SDK1: variants seen among roughly 807,000 people sequenced by gnomAD.
SDK1 encodes the protein sidekick cell adhesion molecule 1.
In SDK1, 157 loss-of-function variants were observed where a neutral mutation model predicts 245.5. The observed-to-expected ratio is 0.64, with a 90% CI of 0.56 to 0.73. SDK1 has a LOEUF of 0.73. Ranked by LOEUF, SDK1 falls within the 30% of genes least tolerant of loss-of-function variation. SDK1 has a pLI of 0.00. For missense variants in SDK1, 3,583 were observed against 3,002.3 expected (o/e 1.19, Z -4.52); for synonymous variants, 1,647 against 1,278.5 (o/e 1.29, Z -6.15).
chr7:3,307,242 TA>T (rs976831661), intron 1 of SDK1, among the ~76,000 whole-genome samples: 4 of 151,944 alleles, frequency 2.6e-5, no homozygotes, highest in African/African-American at 9.7e-5. Flanking sequence ...CTCTTTTTTT[TA>T]AAAAAAGGGC....
At chr7:3,330,833 G>T (rs10951159) in intron 1 of SDK1, among the ~76,000 whole-genome samples, 65,327 of 145,654 alleles carry the variant, frequency 0.45, 14,745 homozygotes, top group East Asian at 0.56. Context: ...AAAAAACCAG[G>T]TGTGGTGGTG....
chr7:3,437,243 T>G (rs1160797376), intron 1 of SDK1, among the ~76,000 whole-genome samples: 1 of 152,196 alleles, frequency 6.6e-6, no homozygotes, highest in Non-Finnish European at 1.5e-5. Context: ...AATAAAAGTT[T>G]TTTTTTCTCT....
intron 1 of SDK1, among the ~76,000 whole-genome samples, chr7:3,516,654 G>C (rs1782761193): frequency 6.6e-6 from 1 of 152,110 alleles, no homozygotes; most frequent in African/African-American, 2.4e-5. Context: ...ACATTAATTA[G>C]GTTGTAATAG....
chr7:3,683,717 G>T (rs999521392), intron 4 of SDK1, among the ~76,000 whole-genome samples: 1 of 152,210 alleles, frequency 6.6e-6, no homozygotes, highest in Non-Finnish European at 1.5e-5. Context: ...GAGGCATGAG[G>T]TGCTGGTGGT....
chr7:3,884,071 G>GTTTGTTTT (rs1320700720), intron 5 of SDK1, among the ~76,000 whole-genome samples: 1 of 139,292 alleles, frequency 7.2e-6, no homozygotes, highest in African/African-American at 2.8e-5. Flanking sequence ...TTTTTTGTTT[G>GTTTGTTTT]TTTGTTTTTT....
In SDK1 at chr7:4,196,613, G is replaced by A. The variant is rs186910258; in HGVS notation, c.5099-9266G>A. Among the ~76,000 whole-genome samples the A allele has an allele frequency of 4.0e-4, 61 of 152,184 alleles. No homozygotes were observed. In the East Asian group the frequency reaches 0.01, roughly 26 times the overall value. The stretch of plus-strand genomic sequence containing the variant: ...CACCTGGCCAGGGGAGCCCTCCTAG[G>A]CCCAGGCACTGCCCGGGGAGCCCTG... On this transcript the variant is annotated intron_variant, in intron 35 of 44. Coordinates refer to ENST00000404826, the MANE Select transcript of SDK1 (RefSeq NM_152744.4).
chr7:4,063,226 A>G (rs1779650661), intron 19 of SDK1, among the ~76,000 whole-genome samples: 1 of 152,202 alleles, frequency 6.6e-6, no homozygotes, highest in Admixed American at 6.5e-5. Context: ...AAAAACTCCT[A>G]TATCTGATAA....
chr7:4,052,611 T>C (rs1778941039), intron 19 of SDK1, among the ~76,000 whole-genome samples: 1 of 152,218 alleles, frequency 6.6e-6, no homozygotes, highest in African/African-American at 2.4e-5. Flanking sequence ...ATCCAAATTT[T>C]ATAAAAATAT....
chr7:4,268,221 G>A lies in SDK1; in HGVS notation c.*2837G>A, dbSNP rs561335279. The A allele has an allele frequency of 4.4e-5, 44 of 990,672 alleles. No individual in the cohort carries two copies. Among genetic ancestry groups the A allele is most frequent in the East Asian group, 3.3e-4 (3 of 8,992 alleles). The allele number at this position is 990,672 out of a possible 1,614,324, so 61.4% of individuals were successfully genotyped here. ...TTTCAGATTGCTTCGGCCCCACCCTGCAAGGATGTGGTCACGGAGTGGCCA... is the reference window on the plus strand; with the variant it reads ...TTTCAGATTGCTTCGGCCCCACCCTACAAGGATGTGGTCACGGAGTGGCCA... On this transcript the variant is annotated 3_prime_UTR_variant, in exon 45 of 45. Transcript: ENST00000404826.
intron 40 of SDK1, among the ~76,000 whole-genome samples, chr7:4,223,438 G>A (rs1249290385): frequency 6.6e-6 from 1 of 152,228 alleles, no homozygotes; most frequent in Admixed American, 6.5e-5. Flanking sequence ...AGCAGGGCAG[G>A]CTCCTCCTGA....
chr7:4,067,134 T>C (rs544664082), intron 19 of SDK1, among the ~76,000 whole-genome samples: 29 of 152,326 alleles, frequency 1.9e-4, no homozygotes, highest in African/African-American at 6.7e-4. Flanking sequence ...GCTTCACACA[T>C]TAACAGACTA....
chr7:4,194,621 G>T (rs1783475968), intron 35 of SDK1, among the ~76,000 whole-genome samples: 1 of 152,120 alleles, frequency 6.6e-6, no homozygotes, highest in Non-Finnish European at 1.5e-5. Flanking sequence ...ATATTCAAAG[G>T]CAGGAAGCTT....
chr7:3,851,378 T>C (rs941036304), intron 5 of SDK1, among the ~76,000 whole-genome samples: 1 of 152,214 alleles, frequency 6.6e-6, no homozygotes, highest in African/African-American at 2.4e-5. Flanking sequence ...GTTAATAATA[T>C]AAGTATTTAG....
At chr7:4,048,028 G>A (rs1034300237) in intron 17 of SDK1, among the ~76,000 whole-genome samples, 1 of 152,150 alleles carries the variant, frequency 6.6e-6, no homozygotes, top group African/African-American at 2.4e-5. Flanking sequence ...GGGTCCTCCT[G>A]CATGCCTGGG....
rs76764634 is a variant in SDK1 at position 3,341,615 on chromosome 7, A to G, written c.298+39731A>G. On this transcript the variant is annotated intron_variant, in intron 1 of 44. Coordinates refer to ENST00000404826, the MANE Select transcript of SDK1 (RefSeq NM_152744.4). Reference sequence around the variant, plus strand: ...GAGGAGTTCAACATAGTTGCTGCATACAGGATCAACACAAAAACCATGTTT... The same window carrying G: ...GAGGAGTTCAACATAGTTGCTGCATGCAGGATCAACACAAAAACCATGTTT... Among the ~76,000 whole-genome samples, 1,347 of 152,344 alleles carry G rather than the reference A, an allele frequency of 8.8e-3. 25 individuals carry two copies. The highest frequency in any genetic ancestry group is 0.03 in the African/African-American group (1,267 of 41,580).
intron 22 of SDK1, among the ~76,000 whole-genome samples, chr7:4,087,477 G>GTGCA (rs1554336226): frequency 3.0e-5 from 3 of 98,606 alleles, no homozygotes; most frequent in African/African-American, 8.1e-5. Context: ...ACACACACGC[G>GTGCA]CGCACACACA....
Position 3,907,402 on chromosome 7 carries a change from G to A in SDK1, c.848-43521G>A, listed in dbSNP as rs182830299. On this transcript the variant is annotated intron_variant, in intron 5 of 44. Coordinates refer to ENST00000404826, the MANE Select transcript of SDK1 (RefSeq NM_152744.4). ...TTGTGTCTGGCTTATTTTACTTACC[G>A]TAATGTTTGTAAGGATTGTCTACAT... Among the ~76,000 whole-genome samples, 5 of 152,114 alleles carry A rather than the reference G, an allele frequency of 3.3e-5. No homozygotes were observed. The East Asian group carries it at 5.8e-4, about 18-fold the overall frequency.
intron 4 of SDK1, among the ~76,000 whole-genome samples, chr7:3,684,278 C>T (rs1212965611): frequency 6.6e-6 from 1 of 152,240 alleles, no homozygotes; most frequent in South Asian, 2.1e-4. Flanking sequence ...CCCTTTCAGT[C>T]AGGCACAGGG....
At chr7:4,038,068 T>C (rs1562709298) in intron 17 of SDK1, among the ~76,000 whole-genome samples, 1 of 152,212 alleles carries the variant, frequency 6.6e-6, no homozygotes, top group Admixed American at 6.5e-5. Context: ...AGCTCACAGC[T>C]GTGACCTTCA....
Sources: allele counts gnomAD v4.1 joint callset (sites outside exome capture counted in the v4.1 genomes callset), GRCh38; gene constraint gnomAD v4.1.1; transcripts MANE v1.5; gene names NCBI Gene and HGNC (gene_info 2026-07-23, HGNC 2026-07-21).